The following XKR5 variants were observed in gnomAD, a reference collection of about 807,000 sequenced individuals.
XKR5 encodes the protein XK-related protein 5.
A neutral mutation model predicts 40.8 loss-of-function variants in XKR5; 46 were observed. That is an observed-to-expected ratio of 1.13 (90% confidence interval 0.89 to 1.44). XKR5 has a LOEUF of 1.44. Ranked by LOEUF, XKR5 falls within the 40% of genes most tolerant of loss-of-function variation. XKR5 has a pLI of 0.00. For missense variants in XKR5, 1,169 were observed against 844.7 expected (o/e 1.38, Z -4.76); for synonymous variants, 466 against 356.1 (o/e 1.31, Z -3.48).
At chr8:6,812,465 T>C in intron 6 of XKR5, 126 bp from the exon 7 acceptor site, 1 of 955,462 alleles carries the variant, frequency 1.0e-6, no homozygotes, top group East Asian at 2.7e-5. Context: ...AATAGGACTC[T>C]TGTTGGAGCC....
chr8:6,812,429 G>T (rs1425965482), intron 6 of XKR5, 90 bp from the exon 7 acceptor site: 4 of 1,319,744 alleles, frequency 3.0e-6, no homozygotes, highest in Admixed American at 2.9e-5. Flanking sequence ...GCCCTTTTGT[G>T]TAGAGGAAGA....
rs1178224722 is a variant in XKR5, at chr8:6,810,983, T to A, written c.*215A>T. 4.0e-6 allele frequency: 2 copies of A among 497,848 alleles called. No individual in the cohort carries two copies. The highest frequency in any genetic ancestry group is 7.0e-6 in the Non-Finnish European group (2 of 283,854). 30.8% of individuals were successfully genotyped at this position (497,848 alleles called of 1,614,324 possible). ...TCTCCTCCTCTAAAGTATGTTAGAG[T>A]CTCTCCTATGCATGGGTGGGGTCTG... On this transcript the variant is annotated 3_prime_UTR_variant, in exon 7 of 7. Coordinates refer to ENST00000618742, the MANE Select transcript of XKR5 (RefSeq NM_207411.5).
At chr8:6,825,481 T>A in intron 2 of XKR5, 132 bp from the exon 3 acceptor site, 1 of 802,570 alleles carries the variant, frequency 1.2e-6, no homozygotes, top group East Asian at 3.3e-5. Flanking sequence ...GAGTTACTAG[T>A]TAGGCTGTTG....
intron 6 of XKR5, among the ~76,000 whole-genome samples, chr8:6,813,683 G>A (rs929584601): frequency 1.3e-5 from 2 of 152,212 alleles, no homozygotes; most frequent in Non-Finnish European, 2.9e-5. Context: ...GCTCTGAGCC[G>A]GTGGCCACCT....
chr8:6,821,055 G>A (rs183459728), intron 5 of XKR5, among the ~76,000 whole-genome samples: 2 of 152,336 alleles, frequency 1.3e-5, no homozygotes, highest in South Asian at 2.1e-4. Context: ...AACACTGAGA[G>A]GGGGGTGACT....
intron 1 of XKR5, 32 bp from the exon 2 acceptor site, chr8:6,832,932 T>C: frequency 1.3e-6 from 2 of 1,521,998 alleles, no homozygotes; most frequent in Non-Finnish European, 1.8e-6. Flanking sequence ...AAGCAGGTTG[T>C]TGGAAGGCTG....
intron 2 of XKR5, among the ~76,000 whole-genome samples, chr8:6,831,467 C>T (rs886223982): frequency 6.6e-5 from 10 of 152,162 alleles, no homozygotes; most frequent in African/African-American, 1.9e-4. Flanking sequence ...CACCCTCTAC[C>T]TCCTAGCTGA....
At chr8:6,814,177 C>CCA (rs377270827) in intron 6 of XKR5, among the ~76,000 whole-genome samples, 36 of 152,288 alleles carry the variant, frequency 2.4e-4, no homozygotes, top group African/African-American at 8.7e-4. Context: ...GGCCATTTAT[C>CCA]CACACACACA....
Position 6,810,666 on chromosome 8 carries a change from T to A in XKR5, c.*532A>T, listed in dbSNP as rs1388571859. 11 of 152,584 alleles carry A rather than the reference T, an allele frequency of 7.2e-5. No individual in the cohort carries two copies. The allele number at this position is 152,584 out of a possible 1,614,324, so 9.5% of individuals were successfully genotyped here. On this transcript the variant is annotated 3_prime_UTR_variant, in exon 7 of 7. Coordinates refer to ENST00000618742, the MANE Select transcript of XKR5 (RefSeq NM_207411.5). ...ACCAAAAGATATGGGAATCTTAGAA[T>A]GACATTTGCACTTTCAGTTATGTTA... is the stretch of plus-strand genomic sequence containing the variant.
intron 2 of XKR5, among the ~76,000 whole-genome samples, chr8:6,827,249 C>T (rs1409300240): frequency 1.3e-5 from 2 of 152,184 alleles, no homozygotes; most frequent in Non-Finnish European, 2.9e-5. Flanking sequence ...TGCACACGAG[C>T]CTGCTGCCCA....
At chr8:6,816,636 T>A (rs1010051515) in intron 5 of XKR5, among the ~76,000 whole-genome samples, 1 of 148,602 alleles carries the variant, frequency 6.7e-6, no homozygotes, top group African/African-American at 2.4e-5. Context: ...TGTTTTATAT[T>A]TAATATATAT....
intron 4 of XKR5, 57 bp from the exon 5 acceptor site, chr8:6,822,095 C>T: frequency 3.3e-6 from 5 of 1,516,904 alleles, no homozygotes; most frequent in Middle Eastern, 2.2e-4. Flanking sequence ...GGGGGACAGG[C>T]AAGGACACAG....
rs369009774 is a variant in XKR5, at chr8:6,815,737, T to G, written c.919+70A>C. ...CATCTGAACTCAGTTTCCTACCCTT[T>G]GAGCCCATTGTAAAAAAAAAAAATA... On this transcript the variant is annotated intron_variant, in intron 6 of 6. Coordinates refer to ENST00000618742, the MANE Select transcript of XKR5 (RefSeq NM_207411.5). 1.4e-5 allele frequency: 15 copies of G among 1,083,256 alleles called. 1 individual carries two copies. The African/African-American group carries it at 2.4e-4, about 17-fold the overall frequency. The allele number at this position is 1,083,256 out of a possible 1,614,324, so 67.1% of individuals were successfully genotyped here.
Position 6,835,245 on chromosome 8 carries a change from G to T in XKR5, c.58+191C>A, listed in dbSNP as rs576837038. Among the ~76,000 whole-genome samples, 419 of 152,266 alleles carry T rather than the reference G, an allele frequency of 2.8e-3. 2 individuals carry two copies. Among genetic ancestry groups the T allele is most frequent in the African/African-American group, 9.7e-3 (402 of 41,564 alleles). ...GCATCCTTGGGGGGATGGTGCATGC[G>T]TGGGCATCTACTAAGGACGGGAGGA... On this transcript the variant is annotated intron_variant, in intron 1 of 6. Coordinates refer to ENST00000618742, the MANE Select transcript of XKR5 (RefSeq NM_207411.5).
intron 2 of XKR5, among the ~76,000 whole-genome samples, chr8:6,828,263 AGAG>A (rs754108251): frequency 1.5e-4 from 23 of 152,328 alleles, no homozygotes; most frequent in African/African-American, 5.3e-4. Context: ...GCTTCCTGGA[AGAG>A]GAGGACAGGC....
intron 2 of XKR5, among the ~76,000 whole-genome samples, chr8:6,825,728 C>G (rs996633968): frequency 6.6e-6 from 1 of 152,128 alleles, no homozygotes; most frequent in East Asian, 1.9e-4. Flanking sequence ...CATTTATCGA[C>G]AGATGTCTGT....
intron 2 of XKR5, among the ~76,000 whole-genome samples, chr8:6,830,080 G>T (rs1331352784): frequency 6.6e-6 from 1 of 151,948 alleles, no homozygotes; most frequent in Non-Finnish European, 1.5e-5. Context: ...CTCGTGATCC[G>T]CCTGCCTCGG....
Position 6,835,503 on chromosome 8 carries a change from C to A in XKR5, c.-10G>T. ...GGAGCCTCGCGTGCATCTTCCGTGC[C>A]GACCCCGCAGCCTGCGCCCGCCCCT... On this transcript the variant is annotated 5_prime_UTR_variant, in exon 1 of 7. Coordinates refer to ENST00000618742, the MANE Select transcript of XKR5 (RefSeq NM_207411.5). The A allele has an allele frequency of 4.0e-6, 6 of 1,496,498 alleles. No homozygotes were observed. Among genetic ancestry groups the A allele is most frequent in the South Asian group, 1.3e-5 (1 of 79,748 alleles). The allele number at this position is 1,496,498 out of a possible 1,614,324, so 92.7% of individuals were successfully genotyped here.
chr8:6,834,005 C>G (rs144662983), intron 1 of XKR5, among the ~76,000 whole-genome samples: 8 of 152,284 alleles, frequency 5.3e-5, no homozygotes, highest in Non-Finnish European at 1.2e-4. Flanking sequence ...GTCAGTAACT[C>G]CGCACTACGA....
Sources: allele counts gnomAD v4.1 joint callset (sites outside exome capture counted in the v4.1 genomes callset), GRCh38; gene constraint gnomAD v4.1.1; transcripts MANE v1.5; gene names NCBI Gene and HGNC (gene_info 2026-07-23, HGNC 2026-07-21).